ZMIZ1: variants seen among roughly 807,000 people sequenced by gnomAD.
The protein encoded by ZMIZ1 is zinc finger MIZ-type containing 1, also known as zinc finger MIZ domain-containing protein 1.
Under a neutral mutation model 113.9 loss-of-function variants are expected in ZMIZ1, and 17 were observed. That is an observed-to-expected ratio of 0.15 (90% CI 0.10 to 0.22). The LOEUF (loss-of-function observed/expected upper bound fraction) is 0.22. Ranked by LOEUF, ZMIZ1 falls within the 10% of genes least tolerant of loss-of-function variation. ZMIZ1 has a pLI of 1.00. For synonymous variants in ZMIZ1, 607 were observed against 603.1 expected (o/e 1.01, Z -0.09); for missense variants, 1,059 against 1,477.8 (o/e 0.72, Z 4.65).
At chr10:79,108,434 C>A (rs1843629668) in intron 1 of ZMIZ1, among the ~76,000 whole-genome samples, 1 of 152,168 alleles carries the variant, frequency 6.6e-6, no homozygotes, top group African/African-American at 2.4e-5. Context: ...CCTAGGGTGC[C>A]AATTGCTGGG....
chr10:79,135,048 CCT>C (rs1844940501), intron 2 of ZMIZ1, among the ~76,000 whole-genome samples: 1 of 152,204 alleles, frequency 6.6e-6, no homozygotes, highest in Non-Finnish European at 1.5e-5. Flanking sequence ...GAACTCCTGA[CCT>C]CAGGTGATCT....
chr10:79,106,528 G>A (rs191041141), intron 1 of ZMIZ1, among the ~76,000 whole-genome samples: 3 of 152,286 alleles, frequency 2.0e-5, no homozygotes, highest in East Asian at 3.9e-4. Context: ...CCATTGCATC[G>A]CCAGCACCCA....
chr10:79,195,029 G>A (rs113916096), intron 4 of ZMIZ1, among the ~76,000 whole-genome samples: 20 of 152,318 alleles, frequency 1.3e-4, no homozygotes, highest in African/African-American at 4.6e-4. Flanking sequence ...AAGGGGCAGC[G>A]TCTTGGCCTT....
intron 4 of ZMIZ1, among the ~76,000 whole-genome samples, chr10:79,169,197 A>G (rs1020180816): frequency 2.6e-5 from 4 of 152,162 alleles, no homozygotes; most frequent in African/African-American, 7.2e-5. Context: ...GCCCTTGCCA[A>G]TAGCCCCTGC....
At chr10:79,291,301 C>A in intron 10 of ZMIZ1, 125 bp downstream of exon 10, 1 of 1,238,566 alleles carries the variant, frequency 8.1e-7, no homozygotes, top group Non-Finnish European at 1.1e-6. Context: ...TCTGTTGTTA[C>A]ATGAGTTGAA....
intron 4 of ZMIZ1, among the ~76,000 whole-genome samples, chr10:79,162,814 C>G (rs1048197692): frequency 6.6e-6 from 1 of 152,210 alleles, no homozygotes. Flanking sequence ...CCTGCTCCCC[C>G]TGAGGACCCA....
intron 4 of ZMIZ1, among the ~76,000 whole-genome samples, chr10:79,180,739 G>A (rs1433517500): frequency 2.6e-5 from 4 of 152,220 alleles, no homozygotes; most frequent in African/African-American, 9.6e-5. Flanking sequence ...CCTCTGCTCA[G>A]GGGGGATAAA....
chr10:79,230,645 G>A (rs745817102), intron 7 of ZMIZ1, among the ~76,000 whole-genome samples: 8 of 152,194 alleles, frequency 5.3e-5, no homozygotes, highest in Non-Finnish European at 1.0e-4. Context: ...CTGCACAGAC[G>A]GCGGGAAAGT....
intron 4 of ZMIZ1, among the ~76,000 whole-genome samples, chr10:79,183,454 G>A (rs961814993): frequency 6.6e-6 from 1 of 152,100 alleles, no homozygotes; most frequent in Non-Finnish European, 1.5e-5. Flanking sequence ...AGGTTGATGA[G>A]CTCTATGAAG....
intron 4 of ZMIZ1, among the ~76,000 whole-genome samples, chr10:79,190,673 T>C (rs1847561303): frequency 6.6e-6 from 1 of 152,206 alleles, no homozygotes; most frequent in African/African-American, 2.4e-5. Context: ...TCACACCCCC[T>C]GTGTGGCTAG....
intron 7 of ZMIZ1, 99 bp downstream of exon 7, chr10:79,216,373 C>T (rs1405532746): frequency 9.2e-7 from 1 of 1,089,456 alleles, no homozygotes; most frequent in Admixed American, 2.6e-5. Context: ...CTGGTGCCTC[C>T]ATTTGTCTAG....
chr10:79,298,645 G>C, intron 15 of ZMIZ1, 65 bp downstream of exon 15: 1 of 1,450,642 alleles, frequency 6.9e-7, no homozygotes, highest in Non-Finnish European at 9.4e-7. Context: ...GGGAGCAGGG[G>C]CTTCGCAGTC....
intron 7 of ZMIZ1, among the ~76,000 whole-genome samples, chr10:79,251,667 C>T (rs973948344): frequency 6.6e-6 from 1 of 152,214 alleles, no homozygotes; most frequent in African/African-American, 2.4e-5. Context: ...GGCCCCAGGG[C>T]TCTTGGCCAG....
intron 7 of ZMIZ1, among the ~76,000 whole-genome samples, chr10:79,243,006 A>G (rs1189055517): frequency 2.8e-5 from 4 of 143,050 alleles, no homozygotes; most frequent in Admixed American, 1.4e-4. Flanking sequence ...CGGGGTGCGG[A>G]CGGCGAGGCT....
intron 4 of ZMIZ1, among the ~76,000 whole-genome samples, chr10:79,198,832 G>A (rs548449634): frequency 2.6e-5 from 4 of 152,216 alleles, no homozygotes; most frequent in Non-Finnish European, 5.9e-5. Context: ...TCGGGAGTTC[G>A]AGACCAGCCT....
chr10:79,165,896 C>T (rs1846306132), intron 4 of ZMIZ1, among the ~76,000 whole-genome samples: 1 of 87,756 alleles, frequency 1.1e-5, no homozygotes, highest in Non-Finnish European at 2.5e-5. Context: ...CCTGACTTGG[C>T]ACTAGTCATT....
At chr10:79,262,968 G>A (rs1257973547) in intron 7 of ZMIZ1, among the ~76,000 whole-genome samples, 1 of 152,278 alleles carries the variant, frequency 6.6e-6, no homozygotes, top group Non-Finnish European at 1.5e-5. Flanking sequence ...AGGAAGTCAA[G>A]ACGTAGAAAC....
At chr10:79,089,910 T>C (rs1273204433) in intron 1 of ZMIZ1, among the ~76,000 whole-genome samples, 1 of 151,850 alleles carries the variant, frequency 6.6e-6, no homozygotes, top group Non-Finnish European at 1.5e-5. Flanking sequence ...TGCGCCGGAG[T>C]GTAATTTTAT....
chr10:79,300,681 A>G, intron 16 of ZMIZ1, 51 bp from the exon 17 acceptor site: 11 of 1,564,630 alleles, frequency 7.0e-6, no homozygotes, highest in Non-Finnish European at 8.6e-6. Flanking sequence ...CACGGAGGCC[A>G]TGGACAGCCC....
Sources: gnomAD v4.1 joint callset for allele counts (sites outside exome capture counted in the v4.1 genomes callset) on GRCh38, gnomAD v4.1.1 for gene constraint, MANE v1.5 for transcripts, NCBI Gene and HGNC (gene_info 2026-07-23, HGNC 2026-07-21) for gene names.